The following CUL9 variants were observed in gnomAD, a reference collection of about 807,000 sequenced individuals.
CUL9 encodes the protein cullin 9, also known as cullin-9.
Under a neutral mutation model 272.6 loss-of-function variants are expected in CUL9, and 79 were observed. That is an observed-to-expected ratio of 0.29 (90% confidence interval 0.24 to 0.35). The LOEUF (loss-of-function observed/expected upper bound fraction) is 0.35, where lower values mean the gene tolerates loss of function less well. Ranked by LOEUF, CUL9 falls within the 10% of genes least tolerant of loss-of-function variation. The pLI is 1.00. For synonymous variants in CUL9, 1,186 were observed against 1,286.5 expected (o/e 0.92, Z 1.67); for missense variants, 2,532 against 3,255.6 (o/e 0.78, Z 5.41).
chr6:43,216,071 G>C (rs1010431909), intron 30 of CUL9, 87 bp from the exon 31 acceptor site: 3 of 1,275,800 alleles, frequency 2.4e-6, no homozygotes, highest in Admixed American at 4.4e-5. Context: ...TATGCTCAAA[G>C]AGGGAGCTGG....
rs1776300726 is a variant in CUL9, at chr6:43,220,777, G to C, written c.6454G>C (p.Glu2152Gln). Residue 2152 changes from glutamate to glutamine, a missense_variant, in exon 33 of 41, where the codon GAG (glutamate) becomes CAG (glutamine). Around this residue, in one of 3 missense-constraint regions of CUL9, gnomAD observed 2,218 missense variants for 2,788.6 expected, o/e 0.80. Transcript: ENST00000252050. This position sits in a 1 kb window ranked among gnomAD's most constrained non-coding sequence, Gnocchi z 4.9. ...GAAGGCGCTCCTGCGTGGCTATGTG[G>C]AGAGCTGCTCCAACCTGACCTGGTG... ...YEKALLRGYV[E>Q]SCSNLTWCTN... The C allele has an allele frequency of 6.2e-7, 1 of 1,613,108 alleles. No individual in the cohort carries two copies. The highest frequency in any genetic ancestry group is 8.5e-7 in the Non-Finnish European group (1 of 1,180,000).
In CUL9 at chr6:43,186,301, G is replaced by A. The variant is rs777953036; in HGVS notation, c.1097G>A (p.Arg366His). 1.9e-5 allele frequency: 31 copies of A among 1,614,072 alleles called. No homozygotes were observed. The African/African-American group carries it at 3.7e-4, about 19-fold the overall frequency. Residue 366 changes from arginine (R) to histidine (H), a missense_variant, in exon 4 of 41, where the codon CGC (arginine) becomes CAC (histidine). Around this residue, in one of 3 missense-constraint regions of CUL9, gnomAD observed 2,218 missense variants for 2,788.6 expected, o/e 0.80. Transcript: ENST00000252050. ...PRRQGWVFRQ[R>H]SEFSSRSGYG... ...AGACAAGGGTGGGTCTTCCGCCAGC[G>A]CTCTGAATTCTCCAGCCGTAGTGGC...
rs1562034902 is a variant in CUL9 at position 43,200,706 on chromosome 6, G to A, written c.3519G>A (p.Val1173=). The part of the protein sequence containing the change: ...EVKEDKCWEK[V]EVSSNPHRAS... ...AGGAGGACAAGTGCTGGGAGAAGGT[G>A]GAGGTGTCCTCCAACCCGCACCGAG... The change falls in exon 16 of 41, where the codon GTG becomes GTA. Residue 1173 remains valine, a synonymous_variant. Transcript: ENST00000252050. This position sits in a 1 kb window ranked among gnomAD's most constrained non-coding sequence, Gnocchi z 4.0. 10 of 1,614,202 alleles carry A rather than the reference G, an allele frequency of 6.2e-6. No individual in the cohort carries two copies. Among genetic ancestry groups the A allele is most frequent in the Non-Finnish European group, 8.5e-6 (10 of 1,180,038 alleles).
In CUL9 at chr6:43,185,465, C is replaced by T; in HGVS notation, c.605C>T (p.Ala202Val). The part of the protein sequence containing the change: ...ALAAHDAGSR[A>V]HVLLSLSQQD... ...TGGGTATGGATTACAGGGAGTCGGGCTCACGTCCTTCTATCACTGAGCCAG... is the reference window on the plus strand; with the variant it reads ...TGGGTATGGATTACAGGGAGTCGGGTTCACGTCCTTCTATCACTGAGCCAG... The change falls in exon 3 of 41, where the codon GCT (alanine) becomes GTT (valine). Residue 202 changes from alanine (A) to valine (V), a missense_variant. Physicochemically the swap from Ala to Val is moderately conservative, Grantham distance 64. This residue lies in a region of CUL9 where 2,218 missense variants were observed against 2,788.6 expected (regional missense o/e 0.80). Coordinates refer to ENST00000252050, the MANE Select transcript of CUL9 (RefSeq NM_015089.4). 6.2e-7 allele frequency: 1 copy of T among 1,613,618 alleles called. No individual in the cohort carries two copies. Among genetic ancestry groups the T allele is most frequent in the Non-Finnish European group, 8.5e-7 (1 of 1,179,966 alleles).
Position 43,221,945 on chromosome 6 carries a change from A to G in CUL9, c.6846+167A>G, listed in dbSNP as rs972154427. ...AGCCACCTGGGCCTGCAGATGCTGG[A>G]AAGTCTGTTCACAGGGACCTTCAGC... On this transcript the variant is annotated intron_variant, in intron 35 of 40. Coordinates refer to ENST00000252050, the MANE Select transcript of CUL9 (RefSeq NM_015089.4). This position sits in a 1 kb window ranked among gnomAD's most constrained non-coding sequence, Gnocchi z 4.2. The G allele has an allele frequency of 9.5e-6, 6 of 628,340 alleles. No homozygotes were observed. Among genetic ancestry groups the G allele is most frequent in the Middle Eastern group, 8.4e-4 (2 of 2,382 alleles). 38.9% of individuals were successfully genotyped at this position (628,340 alleles called of 1,614,324 possible). A position where few individuals can be genotyped will look rare whatever the true frequency, so the allele number is the denominator to read the frequency against.
In CUL9 at chr6:43,196,199, G is replaced by C. The variant is rs538500693; in HGVS notation, c.2519G>C (p.Arg840Pro). Residue 840 changes from arginine (R) to proline (P), a missense_variant, in exon 10 of 41, where the codon CGC (arginine) becomes CCC (proline). Arg to Pro is a moderately radical substitution (Grantham distance 103, BLOSUM62 -2). Transcript: ENST00000252050. ...TTCGCCAGCATCGACTCAGCCACAC[G>C]CCCGGGCTCTGAGAGCCTGCTCCTC... is the stretch of plus-strand genomic sequence containing the variant. ...EIFASIDSAT[R>P]PGSESLLLTV... 4 of 1,614,068 alleles carry C rather than the reference G, an allele frequency of 2.5e-6. No individual in the cohort carries two copies. The South Asian group carries it at 3.3e-5, about 13-fold the overall frequency.
In CUL9 at chr6:43,205,253, CT is replaced by C; in HGVS notation, c.4633-9del. The stretch of plus-strand genomic sequence containing the variant: ...TCATGGTTTGCTCATGCCCTTTCCC[CT>C]GCCCCCAGATGAGTGAGCAGTTTGC... On this transcript the variant is annotated splice_polypyrimidine_tract_variant and intron_variant, in intron 23 of 40. Coordinates refer to ENST00000252050, the MANE Select transcript of CUL9 (RefSeq NM_015089.4). 6.2e-7 allele frequency: 1 copy of C among 1,611,960 alleles called. No homozygotes were observed. The highest frequency in any genetic ancestry group is 1.3e-5 in the African/African-American group (1 of 75,022).
intron 3 of CUL9, 60 bp downstream of exon 3, chr6:43,185,670 C>T (rs960329050): frequency 4.7e-5 from 73 of 1,552,158 alleles, no homozygotes; most frequent in East Asian, 2.3e-5. Context: ...TTTATGAAAA[C>T]GTGGTTCAGG....
chr6:43,198,360 T>G (rs1198094634), intron 11 of CUL9: 3 of 979,500 alleles, frequency 3.1e-6, no homozygotes, highest in Admixed American at 1.2e-4. Flanking sequence ...ATAATAGGAC[T>G]ATAAGAGATT....
chr6:43,188,460 A>T (rs1773123339), intron 7 of CUL9, 63 bp from the exon 8 acceptor site: 4 of 1,466,312 alleles, frequency 2.7e-6, no homozygotes, highest in Admixed American at 2.2e-5. Context: ...GCTTGACTTT[A>T]AAGACTTCTA....
Position 43,184,606 on chromosome 6 carries a change from G to A in CUL9, c.296G>A (p.Ser99Asn), listed in dbSNP as rs199558145. The change falls in exon 2 of 41, where the codon AGC becomes AAC. Residue 99 changes from serine (S) to asparagine (N), a missense_variant. By Grantham distance (46) the Ser-to-Asn change is conservative. Transcript: ENST00000252050. This position sits in a 1 kb window ranked among gnomAD's most constrained non-coding sequence, Gnocchi z 4.8. ...LQHEPAGVSG[S>N]FPRDPGGLDE... The stretch of plus-strand genomic sequence containing the variant: ...CACGAACCAGCTGGGGTTTCAGGAA[G>A]CTTTCCTCGAGATCCAGGAGGCCTG... The A allele has an allele frequency of 7.6e-5, 123 of 1,612,660 alleles. 3 individuals carry two copies. The Middle Eastern group carries it at 4.0e-3, about 52-fold the overall frequency.
At position 43,184,794 on chromosome 6, in the gene CUL9, T is replaced by C; in HGVS notation, c.484T>C (p.Phe162Leu). The C allele has an allele frequency of 6.2e-7, 1 of 1,614,050 alleles. No individual in the cohort carries two copies. Among genetic ancestry groups the C allele is most frequent in the South Asian group, 1.1e-5 (1 of 91,088 alleles). Residue 162 changes from phenylalanine to leucine, a missense_variant, in exon 2 of 41, where the codon TTC becomes CTC. Phe to Leu is a conservative substitution (Grantham distance 22, BLOSUM62 0). Around this residue, in one of 3 missense-constraint regions of CUL9, gnomAD observed 2,218 missense variants for 2,788.6 expected, o/e 0.80. Coordinates refer to ENST00000252050, the MANE Select transcript of CUL9 (RefSeq NM_015089.4). This position sits in a 1 kb window ranked among gnomAD's most constrained non-coding sequence, Gnocchi z 4.8. ...CAGCATCGGGCCCCTCACTGGTGTC[T>C]TCAGGGAGACAGGAGCCCTGGACCT... ...YASIGPLTGV[F>L]RETGALDLLM...
chr6:43,183,446 A>ACCTTGCAGC (rs1465213615), intron 1 of CUL9, among the ~76,000 whole-genome samples: 1 of 151,500 alleles, frequency 6.6e-6, no homozygotes, highest in Admixed American at 6.6e-5. Flanking sequence ...CTTTACATCC[A>ACCTTGCAGC]CCTTGCAGCT....
intron 26 of CUL9, among the ~76,000 whole-genome samples, chr6:43,210,064 G>A (rs967620325): frequency 1.3e-5 from 2 of 151,856 alleles, no homozygotes; most frequent in African/African-American, 4.8e-5. Flanking sequence ...TGCAACCTCC[G>A]CCTCCCAGGC....
rs1203841744 is a variant in CUL9 at position 43,205,058 on chromosome 6, T to C, written c.4575T>C (p.Ala1525=). The C allele has an allele frequency of 3.7e-6, 6 of 1,611,106 alleles. No individual in the cohort carries two copies. The highest frequency in any genetic ancestry group is 1.7e-5 in the Admixed American group (1 of 59,810). The change falls in exon 23 of 41, where the codon GCT becomes GCC. Residue 1525 remains alanine, a synonymous_variant. Transcript: ENST00000252050. ...GGCCTCGGGCAGCCTTCATGCTGGCTCTGCGCAGTGGCTTCTCTGGCGCCT... is the reference window on the plus strand; with the variant it reads ...GGCCTCGGGCAGCCTTCATGCTGGCCCTGCGCAGTGGCTTCTCTGGCGCCT... ...LFGPRAAFML[A]LRSGFSGALL...
At chr6:43,191,638 G>A (rs1049120424) in intron 8 of CUL9, among the ~76,000 whole-genome samples, 12 of 151,916 alleles carry the variant, frequency 7.9e-5, no homozygotes, top group African/African-American at 2.9e-4. Context: ...AGGCTGGAGT[G>A]CAGCAGTGCA....
Position 43,193,137 on chromosome 6 carries a change from G to A in CUL9, c.2317G>A (p.Gly773Ser). 3 of 1,614,200 alleles carry A rather than the reference G, an allele frequency of 1.9e-6. No homozygotes were observed. The highest frequency in any genetic ancestry group is 8.5e-7 in the Non-Finnish European group (1 of 1,180,032). The change falls in exon 9 of 41, where the codon GGC becomes AGC. Residue 773 changes from glycine to serine, a missense_variant. By Grantham distance (56) the Gly-to-Ser change is moderately conservative. Coordinates refer to ENST00000252050, the MANE Select transcript of CUL9 (RefSeq NM_015089.4). ...GCGGCCGCTCTTTGCCAGGGAGGGT[G>A]GCATCTATGCTGTGCTGGTCTGCAT... ...EWRPLFAREG[G>S]IYAVLVCMQE...
Position 43,184,611 on chromosome 6 carries a change from C to T in CUL9, c.301C>T (p.Pro101Ser), listed in dbSNP as rs1290316620. Reference sequence around the variant, plus strand: ...ACCAGCTGGGGTTTCAGGAAGCTTTCCTCGAGATCCAGGAGGCCTGGATGA... The same window carrying T: ...ACCAGCTGGGGTTTCAGGAAGCTTTTCTCGAGATCCAGGAGGCCTGGATGA... The part of the protein sequence containing the change: ...HEPAGVSGSF[P>S]RDPGGLDEVA... Residue 101 changes from proline to serine, a missense_variant, in exon 2 of 41, where the codon CCT (proline) becomes TCT (serine). Around this residue, in one of 3 missense-constraint regions of CUL9, gnomAD observed 2,218 missense variants for 2,788.6 expected, o/e 0.80. Transcript: ENST00000252050. This position sits in a 1 kb window ranked among gnomAD's most constrained non-coding sequence, Gnocchi z 4.8. 1 of 1,612,462 alleles carries T rather than the reference C, an allele frequency of 6.2e-7. No homozygotes were observed. The highest frequency in any genetic ancestry group is 2.2e-5 in the East Asian group (1 of 44,834).
At chr6:43,196,603 C>T (rs751585300) in intron 10 of CUL9, 42 bp from the exon 11 acceptor site, 4 of 1,525,242 alleles carry the variant, frequency 2.6e-6, no homozygotes, top group Admixed American at 3.3e-5. Flanking sequence ...CCATTGCATT[C>T]ATGGTCTCTC....
Sources: allele counts gnomAD v4.1 joint callset (sites outside exome capture counted in the v4.1 genomes callset), GRCh38; gene constraint gnomAD v4.1.1; regional missense constraint gnomAD v4.1.1; non-coding constraint Gnocchi (gnomAD v3.1); transcripts MANE v1.5; gene names NCBI Gene and HGNC (gene_info 2026-07-23, HGNC 2026-07-21).